Variants in POLR2G observed in about 807,000 individuals in gnomAD.
POLR2G encodes DNA-directed RNA polymerase II subunit RPB7.
In POLR2G, 19 loss-of-function variants were observed where a neutral mutation model predicts 25.7. That is an observed-to-expected ratio of 0.74 (90% CI 0.52 to 1.08). The LOEUF (loss-of-function observed/expected upper bound fraction) is 1.08. POLR2G is among the 50% of genes least tolerant of loss of function. The probability of loss-of-function intolerance (pLI) is 0.00; values close to 1 mark genes in which losing one functional copy is unlikely to be tolerated. For missense variants in POLR2G, 123 were observed against 218.5 expected, an observed-to-expected ratio of 0.56 and a Z score of 2.76; for synonymous variants, 79 against 76.0, an observed-to-expected ratio of 1.04 and a Z score of -0.21.
chr11:62,764,025 AGCCACCGT>A (rs139815889), intron 3 of POLR2G, among the ~76,000 whole-genome samples: 2,643 of 152,064 alleles, frequency 0.017, 80 homozygotes, highest in African/African-American at 0.06. Flanking sequence ...TATAGGCGTG[AGCCACCGT>A]GCCCGGCCAG....
At chr11:62,766,408 A>AGGACATTT in intron 7 of POLR2G, 86 bp from the exon 8 acceptor site, 1 of 1,551,552 alleles carries the variant, frequency 6.4e-7, no homozygotes, top group Non-Finnish European at 8.9e-7. Flanking sequence ...TGAAAGATCC[A>AGGACATTT]GGACATTTGC....
chr11:62,763,094 C>A, intron 3 of POLR2G, 68 bp downstream of exon 3: 45 of 824,488 alleles, frequency 5.5e-5, no homozygotes, highest in Non-Finnish European at 7.6e-5. Context: ...TCTGGCTCCA[C>A]TTCATAACTC....
intron 1 of POLR2G, 47 bp from the exon 2 acceptor site, chr11:62,761,748 T>C: frequency 6.2e-7 from 1 of 1,608,060 alleles, no homozygotes; most frequent in Non-Finnish European, 8.5e-7. Context: ...TGTCGTCCAA[T>C]AACCTGCCAG....
intron 1 of POLR2G, 44 bp from the exon 2 acceptor site, chr11:62,761,751 C>T: frequency 6.2e-7 from 1 of 1,607,152 alleles, no homozygotes; most frequent in South Asian, 1.1e-5. Context: ...CGTCCAATAA[C>T]CTGCCAGCGC....
At chr11:62,765,142 C>G (rs973574995) in intron 3 of POLR2G, 40 bp from the exon 4 acceptor site, 7 of 1,592,132 alleles carry the variant, frequency 4.4e-6, no homozygotes, top group Non-Finnish European at 6.0e-6. Context: ...CAGGCGTGAG[C>G]CACCGTGCAC....
Position 62,766,639 on chromosome 11 carries a change from C to A in POLR2G, c.*132C>A. On this transcript the variant is annotated 3_prime_UTR_variant, in exon 8 of 8. Coordinates refer to ENST00000301788, the MANE Select transcript of POLR2G (RefSeq NM_002696.3). Reference sequence around the variant, plus strand: ...AACTCATCCCAGAAGGCATCTGGTGCTTCTTGTAGCTTAACTACTGCCTCC... The same window carrying A: ...AACTCATCCCAGAAGGCATCTGGTGATTCTTGTAGCTTAACTACTGCCTCC... 1 of 730,074 alleles carries A rather than the reference C, an allele frequency of 1.4e-6. No homozygotes were observed. The highest frequency in any genetic ancestry group is 2.4e-6 in the Non-Finnish European group (1 of 418,714). 45.2% of individuals were successfully genotyped at this position (730,074 alleles called of 1,614,324 possible).
intron 5 of POLR2G, 53 bp from the exon 6 acceptor site, chr11:62,765,600 G>A (rs369120213): frequency 1.5e-6 from 2 of 1,313,926 alleles, no homozygotes; most frequent in South Asian, 2.4e-5. Flanking sequence ...TGATTGTGAT[G>A]TAACTTCTCA....
chr11:62,766,453 A>G (rs781071900), intron 7 of POLR2G, 41 bp from the exon 8 acceptor site: 8 of 1,612,818 alleles, frequency 5.0e-6, no homozygotes, highest in Non-Finnish European at 6.8e-6. Context: ...TGGCTACCCT[A>G]AATTCCGGTT....
chr11:62,766,097 G>C, intron 6 of POLR2G, 146 bp from the exon 7 acceptor site: 1 of 781,080 alleles, frequency 1.3e-6, no homozygotes, highest in Admixed American at 1.9e-5. Context: ...GAGAGCTGTC[G>C]ATTTCTTACC....
rs1461257588 is a variant in POLR2G, at chr11:62,761,700, A to G, written c.12+40A>G. The G allele has an allele frequency of 3.7e-6, 6 of 1,610,688 alleles. No homozygotes were observed. The Admixed American group carries it at 1.0e-4, about 27-fold the overall frequency. On this transcript the variant is annotated intron_variant, in intron 1 of 7. Transcript: ENST00000301788. ...GGGTGGCGGCAAGGGCTGGGTGGAA[A>G]GGAAGAGCAAGGCCAGGCGCCGGCG...
At chr11:62,765,143 C>T (rs1205950512) in intron 3 of POLR2G, 39 bp from the exon 4 acceptor site, 34 of 1,594,598 alleles carry the variant, frequency 2.1e-5, no homozygotes, top group South Asian at 1.3e-4. Context: ...AGGCGTGAGC[C>T]ACCGTGCACG....
Position 62,765,241 on chromosome 11 carries a change from G to A in POLR2G, c.333+9G>A. On this transcript the variant is annotated intron_variant, in intron 4 of 7. Transcript: ENST00000301788. ...GCTTCATCTCTCGACATGTAAGTCT[G>A]GGCACACTGGGTGGGGCTGAGGAAG... is the stretch of plus-strand genomic sequence containing the variant. 6.2e-7 allele frequency: 1 copy of A among 1,613,728 alleles called. No homozygotes were observed.
At chr11:62,763,613 G>C (rs1020422090) in intron 3 of POLR2G, among the ~76,000 whole-genome samples, 32 of 151,644 alleles carry the variant, frequency 2.1e-4, no homozygotes, top group African/African-American at 7.3e-4. Flanking sequence ...AAATTATATG[G>C]TAATCTTGCC....
chr11:62,762,988 G>A lies in POLR2G; in HGVS notation c.244G>A (p.Gly82Arg). 1 of 1,610,592 alleles carries A rather than the reference G, an allele frequency of 6.2e-7. No homozygotes were observed. Reference protein sequence around the residue: ...YKAIVFRPFKGEVVDAVVTQV... With the variant: ...YKAIVFRPFKREVVDAVVTQV... ...GGCCATTGTTTTCCGGCCATTTAAA[G>A]GGGAGGTCGTGGATGCTGTTGTCAC... The change falls in exon 3 of 8, where the codon GGG becomes AGG. Residue 82 changes from glycine (G) to arginine (R), a missense_variant. Transcript: ENST00000301788.
intron 7 of POLR2G, 56 bp from the exon 8 acceptor site, chr11:62,766,438 G>C: frequency 6.2e-7 from 1 of 1,604,458 alleles, no homozygotes; most frequent in South Asian, 1.1e-5. Flanking sequence ...AGGAGTACAT[G>C]GTTGTGGCTA....
At chr11:62,765,039 A>G (rs940764866) in intron 3 of POLR2G, 143 bp from the exon 4 acceptor site, 5 of 643,242 alleles carry the variant, frequency 7.8e-6, no homozygotes, top group Non-Finnish European at 1.1e-5. Flanking sequence ...TTGTATTTTT[A>G]GTAATGACGG....
Position 62,761,615 on chromosome 11 carries a change from G to A in POLR2G, c.-34G>A. 1 of 1,599,330 alleles carries A rather than the reference G, an allele frequency of 6.3e-7. No individual in the cohort carries two copies. Among genetic ancestry groups the A allele is most frequent in the Non-Finnish European group, 8.5e-7 (1 of 1,172,554 alleles). ...GGTGGATTCCCAGGGACTGTCGGAG[G>A]TGTGGACTCTGCCTGCCTACCTGGT... On this transcript the variant is annotated 5_prime_UTR_variant, in exon 1 of 8. The change creates a new upstream start codon in the 5' untranslated region. Coordinates refer to ENST00000301788, the MANE Select transcript of POLR2G (RefSeq NM_002696.3).
At chr11:62,764,496 A>G (rs1466979775) in intron 3 of POLR2G, among the ~76,000 whole-genome samples, 1 of 151,232 alleles carries the variant, frequency 6.6e-6, no homozygotes. Flanking sequence ...ATGAAAGCTT[A>G]AAAAAAAAGA....
In POLR2G at chr11:62,761,877, C is replaced by G. The variant is rs561349695; in HGVS notation, c.95C>G (p.Thr32Ser). 2 of 1,612,568 alleles carry G rather than the reference C, an allele frequency of 1.2e-6. No homozygotes were observed. The highest frequency in any genetic ancestry group is 1.7e-5 in the Admixed American group (1 of 60,018). Residue 32 changes from threonine to serine, a missense_variant, in exon 2 of 8, where the codon ACC becomes AGC. Coordinates refer to ENST00000301788, the MANE Select transcript of POLR2G (RefSeq NM_002696.3). Reference sequence around the variant, plus strand: ...AACACGGTGAAGCAGAAGCTCTTCACCGAGGTGGAGGGGACCTGCACAGGG... The same window carrying G: ...AACACGGTGAAGCAGAAGCTCTTCAGCGAGGTGGAGGGGACCTGCACAGGG... ...LLNTVKQKLF[T>S]EVEGTCTGKY...
Sources: gnomAD v4.1 joint callset for allele counts (sites outside exome capture counted in the v4.1 genomes callset) on GRCh38, gnomAD v4.1.1 for gene constraint, MANE v1.5 for transcripts, NCBI Gene and HGNC (gene_info 2026-07-23, HGNC 2026-07-21) for gene names.